ZNF14: variants seen among roughly 807,000 people sequenced by gnomAD.
ZNF14 encodes gonadotropin inducible transcription repressor-4.
Under a neutral mutation model 11.3 loss-of-function variants are expected in ZNF14, and 9 were observed. The ratio of observed to expected loss-of-function variants is 0.80; its 90% confidence interval spans 0.48 to 1.39. The LOEUF is 1.39. Among genes scored for constraint, ZNF14 ranks in the 40% most tolerant of loss-of-function variants. The probability of loss-of-function intolerance (pLI) is 0.00; values close to 1 mark genes in which losing one functional copy is unlikely to be tolerated. For missense variants in ZNF14, 711 were observed against 763.9 expected (o/e 0.93, Z 0.82); for synonymous variants, 239 against 245.7 (o/e 0.97, Z 0.25).
chr19:19,726,381 G>A (rs559161841), intron 1 of ZNF14, among the ~76,000 whole-genome samples: 2 of 134,384 alleles, frequency 1.5e-5, no homozygotes, highest in Non-Finnish European at 3.3e-5. Context: ...GATATCACCA[G>A]CGGAGGCTGC....
At chr19:19,730,058 G>C (rs1160749553) in intron 1 of ZNF14, among the ~76,000 whole-genome samples, 1 of 151,982 alleles carries the variant, frequency 6.6e-6, no homozygotes, top group African/African-American at 2.4e-5. Context: ...TTTTGAGACA[G>C]AGTCTCAAGG....
At position 19,711,870 on chromosome 19, in the gene ZNF14, C is replaced by T. The variant is rs759564885; in HGVS notation, c.1411G>A (p.Gly471Arg). The change falls in exon 4 of 4, where the codon GGA becomes AGA. Residue 471 changes from glycine to arginine, a missense_variant. By Grantham distance (125) the Gly-to-Arg change is moderately radical. Transcript: ENST00000344099. ...YFRIHERSHT[G>R]EKPYECKQCG... ...TGTTTACATTCATAGGGTTTCTCTC[C>T]AGTGTGTGACCTTTCATGAATTCGA... The T allele has an allele frequency of 1.7e-5, 28 of 1,613,898 alleles. No homozygotes were observed. In the East Asian group the frequency reaches 2.5e-4, roughly 14 times the overall value.
Position 19,711,280 on chromosome 19 carries a change from T to C in ZNF14, c.*72A>G, listed in dbSNP as rs2062358694. The C allele has an allele frequency of 2.0e-6, 3 of 1,474,230 alleles. No homozygotes were observed. The African/African-American group carries it at 4.2e-5, about 21-fold the overall frequency. 91.3% of individuals were successfully genotyped at this position (1,474,230 alleles called of 1,614,324 possible). A position where few individuals can be genotyped will look rare whatever the true frequency, so the allele number is the denominator to read the frequency against. On this transcript the variant is annotated 3_prime_UTR_variant, in exon 4 of 4. Transcript: ENST00000344099. Reference sequence around the variant, plus strand: ...AATGTTTGTATTCACACAGCTTCTGTCCAGTATGAACTCTTTTGTGTATTC... The same window carrying C: ...AATGTTTGTATTCACACAGCTTCTGCCCAGTATGAACTCTTTTGTGTATTC...
rs1001554854 is a variant in ZNF14, at chr19:19,714,450, G to A, written c.41C>T (p.Thr14Ile). The A allele has an allele frequency of 6.2e-7, 1 of 1,614,034 alleles. No individual in the cohort carries two copies. Among genetic ancestry groups the A allele is most frequent in the Non-Finnish European group, 8.5e-7 (1 of 1,179,988 alleles). The change falls in exon 2 of 4, where the codon ACC becomes ATC. Residue 14 changes from threonine to isoleucine, a missense_variant. Physicochemically the swap from Thr to Ile is moderately conservative, Grantham distance 89. Transcript: ENST00000344099. ...VSFEDVAVNF[T>I]LEEWALLDSS... ...ATCCAGCAAAGCCCACTCCTCCAGG[G>A]TGAAGTTCACGGCCACATCCTCAAA...
At position 19,711,090 on chromosome 19, in the gene ZNF14, CAAAA is replaced by C. The variant is rs1291674193; in HGVS notation, c.*258_*261del. The C allele has an allele frequency of 5.2e-6, 2 of 386,830 alleles. No homozygotes were observed. The highest frequency in any genetic ancestry group is 9.0e-6 in the Non-Finnish European group (2 of 222,748). The allele number at this position is 386,830 out of a possible 1,614,324, so 24.0% of individuals were successfully genotyped here. A position where few individuals can be genotyped will look rare whatever the true frequency, so the allele number is the denominator to read the frequency against. On this transcript the variant is annotated 3_prime_UTR_variant, in exon 4 of 4. Transcript: ENST00000344099. ...ACAAGCTTGGCCTTTTTTAAAAAAA[CAAAA>C]AACAAAAAACAAAACAGATTTCACT...
rs2062388544 is a variant in ZNF14, at chr19:19,720,065, A to G, written c.4-5578T>C. ...TTAGTGTGTATGTGCATAAAAACAG[A>G]GTGGCAAAATAATGAGGCAAAACTG... is the stretch of plus-strand genomic sequence containing the variant. On this transcript the variant is annotated intron_variant, in intron 1 of 3. Coordinates refer to ENST00000344099, the MANE Select transcript of ZNF14 (RefSeq NM_021030.3). This position sits in a 1 kb window ranked among gnomAD's most constrained non-coding sequence, Gnocchi z 4.1. 6.6e-6 allele frequency among the ~76,000 whole-genome samples: 1 copy of G among 152,162 alleles called. No homozygotes were observed. The highest frequency in any genetic ancestry group is 2.4e-5 in the African/African-American group (1 of 41,440).
rs575862262 is a variant in ZNF14, at chr19:19,720,589, C to T, written c.4-6102G>A. 3.2e-4 allele frequency among the ~76,000 whole-genome samples: 49 copies of T among 152,126 alleles called. No homozygotes were observed. The highest frequency in any genetic ancestry group is 1.9e-4 in the African/African-American group (8 of 41,478). On this transcript the variant is annotated intron_variant, in intron 1 of 3. Coordinates refer to ENST00000344099, the MANE Select transcript of ZNF14 (RefSeq NM_021030.3). The surrounding 1 kb of genome is among the most constrained non-coding windows in gnomAD (Gnocchi z 4.1). Reference sequence around the variant, plus strand: ...AGGTCCTGACCTCAAGTGATCTGTCCGCCTCGGCCTCCCAAAGTGCTGGGA... The same window carrying T: ...AGGTCCTGACCTCAAGTGATCTGTCTGCCTCGGCCTCCCAAAGTGCTGGGA...
chr19:19,714,517 A>C, intron 1 of ZNF14, 30 bp from the exon 2 acceptor site: 1 of 1,601,080 alleles, frequency 6.2e-7, no homozygotes, highest in South Asian at 1.1e-5. Flanking sequence ...TTTACAGAGG[A>C]TGGGTAAGAC....
intron 1 of ZNF14, among the ~76,000 whole-genome samples, chr19:19,714,841 A>G (rs999987213): frequency 2.0e-5 from 3 of 150,236 alleles, no homozygotes; most frequent in Non-Finnish European, 4.4e-5. Context: ...CCTCCTAAGT[A>G]GCTGGGACTA....
At chr19:19,730,285 C>T (rs1375045526) in intron 1 of ZNF14, among the ~76,000 whole-genome samples, 1 of 151,972 alleles carries the variant, frequency 6.6e-6, no homozygotes, top group South Asian at 2.1e-4. Context: ...CCTCGGCCTC[C>T]CAAAGTGCTG....
chr19:19,732,855 G>A, intron 1 of ZNF14, 101 bp downstream of exon 1: 1 of 1,505,362 alleles, frequency 6.6e-7, no homozygotes, highest in Admixed American at 1.9e-5. Context: ...GTGGCCCCCG[G>A]GTCTGCAAAC....
At chr19:19,725,602 T>G (rs2062404339) in intron 1 of ZNF14, among the ~76,000 whole-genome samples, 1 of 133,602 alleles carries the variant, frequency 7.5e-6, no homozygotes, top group Non-Finnish European at 1.7e-5. Context: ...TCTCTGTATT[T>G]CCTGAATTTG....
chr19:19,726,306 A>G (rs2062406081), intron 1 of ZNF14, among the ~76,000 whole-genome samples: 1 of 134,704 alleles, frequency 7.4e-6, no homozygotes, highest in Non-Finnish European at 1.7e-5. Flanking sequence ...TCCTCCTAAC[A>G]GTCAGGACCC....
chr19:19,718,555 G>T (rs1568449795), intron 1 of ZNF14, among the ~76,000 whole-genome samples: 1 of 151,856 alleles, frequency 6.6e-6, no homozygotes, highest in Non-Finnish European at 1.5e-5. Context: ...AGAAACAGAA[G>T]AAATAACTGA....
intron 1 of ZNF14, among the ~76,000 whole-genome samples, chr19:19,729,043 C>T (rs575398363): frequency 9.2e-5 from 14 of 152,316 alleles, no homozygotes; most frequent in Admixed American, 9.1e-4. Flanking sequence ...GTGGCGTGAT[C>T]TCAGCTCGCC....
chr19:19,717,870 A>G (rs60742053), intron 1 of ZNF14, among the ~76,000 whole-genome samples: 11,925 of 152,206 alleles, frequency 0.078, 619 homozygotes, highest in East Asian at 0.14. Flanking sequence ...AGAATATTGC[A>G]CTGTTTCTTT....
intron 1 of ZNF14, among the ~76,000 whole-genome samples, chr19:19,732,012 C>G (rs547501545): frequency 2.0e-5 from 3 of 152,012 alleles, no homozygotes; most frequent in Non-Finnish European, 2.9e-5. Context: ...TTGCAGTGAG[C>G]TGGAGATCGC....
At chr19:19,731,911 CA>C (rs942137853) in intron 1 of ZNF14, among the ~76,000 whole-genome samples, 3 of 152,046 alleles carry the variant, frequency 2.0e-5, no homozygotes, top group East Asian at 1.9e-4. Context: ...ACTAAAAATA[CA>C]AAAAAATTAG....
At chr19:19,723,250 C>T (rs2062397967) in intron 1 of ZNF14, among the ~76,000 whole-genome samples, 1 of 152,150 alleles carries the variant, frequency 6.6e-6, no homozygotes, top group African/African-American at 2.4e-5. Flanking sequence ...GAGATACATC[C>T]AATCAATACC....
Sources: gnomAD v4.1 joint callset for allele counts (sites outside exome capture counted in the v4.1 genomes callset) on GRCh38, gnomAD v4.1.1 for gene constraint, Gnocchi (gnomAD v3.1) non-coding constraint, MANE v1.5 for transcripts, NCBI Gene and HGNC (gene_info 2026-07-23, HGNC 2026-07-21) for gene names.